PRSS33: variants seen among roughly 807,000 people sequenced by gnomAD.
PRSS33 encodes the protein serine protease 33.
Under a neutral mutation model 26.7 loss-of-function variants are expected in PRSS33, and 32 were observed. The observed-to-expected ratio is 1.20, with a 90% CI of 0.90 to 1.61. The LOEUF is 1.61. Among genes scored for constraint, PRSS33 ranks in the 40% most tolerant of loss-of-function variants. PRSS33 has a pLI of 0.00. For missense variants in PRSS33, 450 were observed against 396.3 expected (o/e 1.14, Z -1.15); for synonymous variants, 192 against 177.6 (o/e 1.08, Z -0.64).
In PRSS33 at chr16:2,784,533, G is replaced by A; in HGVS notation, c.*111C>T. 9 of 1,113,684 alleles carry A rather than the reference G, an allele frequency of 8.1e-6. No homozygotes were observed. Among genetic ancestry groups the A allele is most frequent in the Non-Finnish European group, 1.1e-5 (9 of 798,932 alleles). The allele number at this position is 1,113,684 out of a possible 1,614,324, so 69.0% of individuals were successfully genotyped here. A position where few individuals can be genotyped will look rare whatever the true frequency, so the allele number is the denominator to read the frequency against. ...GGTGGGGTGGCCTTTAGCTTTTTTA[G>A]GCATCTTGGCCTCGAGGCAGAAGGG... On this transcript the variant is annotated 3_prime_UTR_variant, in exon 7 of 7. Coordinates refer to ENST00000682474, the MANE Select transcript of PRSS33 (RefSeq NM_152891.3).
At position 2,785,662 on chromosome 16, in the gene PRSS33, G is replaced by A. The variant is rs749293771; in HGVS notation, c.243-16C>T. The A allele has an allele frequency of 1.4e-6, 2 of 1,474,280 alleles. No homozygotes were observed. Among genetic ancestry groups the A allele is most frequent in the Non-Finnish European group, 1.8e-6 (2 of 1,117,478 alleles). 91.3% of individuals were successfully genotyped at this position (1,474,280 alleles called of 1,614,324 possible). A position where few individuals can be genotyped will look rare whatever the true frequency, so the allele number is the denominator to read the frequency against. On this transcript the variant is annotated splice_polypyrimidine_tract_variant and intron_variant, in intron 4 of 6. Coordinates refer to ENST00000682474, the MANE Select transcript of PRSS33 (RefSeq NM_152891.3). The stretch of plus-strand genomic sequence containing the variant: ...CAGTGCCCTCCTGCAGGACAGGAGC[G>A]GGGGACTACTTCCAGCACCGGGTCC...
In PRSS33 at chr16:2,785,824, G is replaced by C. The variant is rs866752645; in HGVS notation, c.217C>G (p.Leu73Val). ...GGSLIAPQWV[L>V]TAAHCFPRRA... is the part of the protein sequence containing the mutation. ...CTGGGGAAGCAGTGCGCCGCTGTCA[G>C]CACCCACTGGGGGGCGATGAGCGAC... The change falls in exon 4 of 7, where the codon CTG becomes GTG. Residue 73 changes from leucine to valine, a missense_variant. By Grantham distance (32) the Leu-to-Val change is conservative. Transcript: ENST00000682474. 23 of 1,604,088 alleles carry C rather than the reference G, an allele frequency of 1.4e-5. No homozygotes were observed. Among genetic ancestry groups the C allele is most frequent in the Middle Eastern group, 3.4e-4 (2 of 5,964 alleles).
chr16:2,786,422 C>G (rs995408770), intron 2 of PRSS33, 80 bp downstream of exon 2: 14 of 1,543,914 alleles, frequency 9.1e-6, no homozygotes, highest in Non-Finnish European at 1.2e-5. Context: ...CCAGGGAGCC[C>G]GGCCCAGGGA....
intron 3 of PRSS33, 64 bp from the exon 4 acceptor site, chr16:2,786,025 G>T (rs768183799): frequency 3.4e-5 from 54 of 1,611,684 alleles, no homozygotes; most frequent in South Asian, 7.7e-5. Flanking sequence ...GCAGGTGTTG[G>T]TGGGGAGACA....
Position 2,785,029 on chromosome 16 carries a change from G to A in PRSS33, c.657C>T (p.Tyr219=). 1.3e-6 allele frequency: 2 copies of A among 1,593,852 alleles called. No homozygotes were observed. The highest frequency in any genetic ancestry group is 1.7e-6 in the Non-Finnish European group (2 of 1,172,814). Reference sequence around the variant, plus strand: ...GGCAGGCGTCCTTGTGGCCCTGGGGGTAGCCGGCACACAGACTCCCAGGCA... The same window carrying A: ...GGCAGGCGTCCTTGTGGCCCTGGGGATAGCCGGCACACAGACTCCCAGGCA... The part of the protein sequence containing the change: ...IVLPGSLCAG[Y]PQGHKDACQG... The change falls in exon 6 of 7, where the codon TAC becomes TAT. Residue 219 remains tyrosine (Y), a synonymous_variant. Transcript: ENST00000682474.
chr16:2,786,841 C>T, intron 1 of PRSS33: 2 of 306,712 alleles, frequency 6.5e-6, no homozygotes, highest in South Asian at 9.1e-5. Flanking sequence ...GCCTAACCCC[C>T]CTCGGTCATC....
rs1177886718 is a variant in PRSS33, at chr16:2,784,547, G to A, written c.*97C>T. The A allele has an allele frequency of 2.4e-6, 3 of 1,266,704 alleles. No individual in the cohort carries two copies. The highest frequency in any genetic ancestry group is 2.9e-5 in the Admixed American group (1 of 34,918). The allele number at this position is 1,266,704 out of a possible 1,614,324, so 78.5% of individuals were successfully genotyped here. On this transcript the variant is annotated 3_prime_UTR_variant, in exon 7 of 7. Transcript: ENST00000682474. The stretch of plus-strand genomic sequence containing the variant: ...TAGCTTTTTTAGGCATCTTGGCCTC[G>A]AGGCAGAAGGGATGTGGGGTATAGG...
In PRSS33 at chr16:2,785,427, C is replaced by A; in HGVS notation, c.462G>T (p.Pro154=). 1.4e-6 allele frequency: 2 copies of A among 1,457,232 alleles called. No homozygotes were observed. The highest frequency in any genetic ancestry group is 9.0e-7 in the Non-Finnish European group (1 of 1,116,114). 90.3% of individuals were successfully genotyped at this position (1,457,232 alleles called of 1,614,324 possible). The change falls in exon 5 of 7, where the codon CCG becomes CCT. Residue 154 remains proline, a synonymous_variant. Transcript: ENST00000682474. The part of the protein sequence containing the change: ...PVCLPVPGAR[P]PPGTPCRVTG... ...TGACCCGGCATGGTGTGCCGGGCGG[C>A]GGGCGGGCGCCGGGCACGGGCAGGC...
rs1458247096 is a variant in PRSS33, at chr16:2,784,179, C to T, written c.*465G>A. On this transcript the variant is annotated 3_prime_UTR_variant, in exon 7 of 7. Coordinates refer to ENST00000682474, the MANE Select transcript of PRSS33 (RefSeq NM_152891.3). ...TTCCGATTCCCTGCCGGCTGTCTCT[C>T]AGCTCTTAGAGGCCGCTCATGGCTG... The T allele has an allele frequency of 6.6e-6, 1 of 152,620 alleles. No individual in the cohort carries two copies. Among genetic ancestry groups the T allele is most frequent in the Non-Finnish European group, 1.5e-5 (1 of 68,378 alleles). 9.5% of individuals were successfully genotyped at this position (152,620 alleles called of 1,614,324 possible).
At position 2,786,556 on chromosome 16, in the gene PRSS33, C is replaced by T; in HGVS notation, c.-9G>A. ...CAGGAAACCCCTCTCATTCTGTCTT[C>T]AAGGCTGGGCTGGGTAAGGGTGGCA... is the stretch of plus-strand genomic sequence containing the variant. On this transcript the variant is annotated 5_prime_UTR_variant, in exon 2 of 7. Transcript: ENST00000682474. 1 of 1,613,272 alleles carries T rather than the reference C, an allele frequency of 6.2e-7. No individual in the cohort carries two copies. Among genetic ancestry groups the T allele is most frequent in the Non-Finnish European group, 8.5e-7 (1 of 1,179,700 alleles).
At position 2,785,978 on chromosome 16, in the gene PRSS33, G is replaced by A. The variant is rs2068869808; in HGVS notation, c.80-17C>T. ...GCCCGCAGGCTAGAAAAGGACCAGGGGCGGTGAGGGTTGGCTGAGGACCTG... is the reference window on the plus strand; with the variant it reads ...GCCCGCAGGCTAGAAAAGGACCAGGAGCGGTGAGGGTTGGCTGAGGACCTG... On this transcript the variant is annotated splice_polypyrimidine_tract_variant and intron_variant, in intron 3 of 6. Coordinates refer to ENST00000682474, the MANE Select transcript of PRSS33 (RefSeq NM_152891.3). 6.2e-7 allele frequency: 1 copy of A among 1,613,066 alleles called. No homozygotes were observed. Among genetic ancestry groups the A allele is most frequent in the East Asian group, 2.2e-5 (1 of 44,860 alleles).
At chr16:2,786,654 T>G in intron 1 of PRSS33, 50 bp from the exon 2 acceptor site, 1 of 1,270,064 alleles carries the variant, frequency 7.9e-7, no homozygotes, top group Non-Finnish European at 1.1e-6. Context: ...GGGGCACCAA[T>G]CCTCACACCA....
chr16:2,787,250 ACC>A (rs1214277667), intron 1 of PRSS33, among the ~76,000 whole-genome samples: 4 of 1,288 alleles, frequency 3.1e-3, no homozygotes, highest in Non-Finnish European at 2.7e-3. Context: ...CCTCATCCTC[ACC>A]CCTGTCTCAT....
In PRSS33 at chr16:2,785,036, G is replaced by A. The variant is rs1277030180; in HGVS notation, c.650C>T (p.Ala217Val). 1.3e-6 allele frequency: 2 copies of A among 1,591,174 alleles called. No homozygotes were observed. Among genetic ancestry groups the A allele is most frequent in the South Asian group, 1.1e-5 (1 of 88,018 alleles). ...ERIVLPGSLC[A>V]GYPQGHKDAC... ...GTCCTTGTGGCCCTGGGGGTAGCCG[G>A]CACACAGACTCCCAGGCAGCACAAT... Residue 217 changes from alanine (A) to valine (V), a missense_variant, in exon 6 of 7, where the codon GCC becomes GTC. By Grantham distance (64) the Ala-to-Val change is moderately conservative. Transcript: ENST00000682474.
intron 2 of PRSS33, 103 bp from the exon 3 acceptor site, chr16:2,786,224 C>T (rs1026798511): frequency 3.6e-6 from 4 of 1,097,190 alleles, no homozygotes; most frequent in Admixed American, 3.5e-5. Context: ...ACAATGTTGC[C>T]CTGACATTGC....
At chr16:2,786,382 G>T in intron 2 of PRSS33, 120 bp downstream of exon 2, 2 of 1,210,118 alleles carry the variant, frequency 1.7e-6, no homozygotes, top group Non-Finnish European at 2.4e-6. Context: ...TTGAGCCCTT[G>T]GAATCAAGAT....
intron 5 of PRSS33, 61 bp downstream of exon 5, chr16:2,785,314 G>T: frequency 6.8e-7 from 1 of 1,459,860 alleles, no homozygotes; most frequent in Non-Finnish European, 9.0e-7. Context: ...GGGATTTCCA[G>T]TCAGATGGAG....
chr16:2,786,235 G>T, intron 2 of PRSS33, 114 bp from the exon 3 acceptor site: 1 of 1,048,738 alleles, frequency 9.5e-7, no homozygotes, highest in Non-Finnish European at 1.5e-6. Context: ...CTGACATTGC[G>T]CCAGGCTTTC....
rs1471072728 is a variant in PRSS33 at position 2,785,360 on chromosome 16, G to A, written c.514+15C>T. On this transcript the variant is annotated intron_variant, in intron 5 of 6. Transcript: ENST00000682474. The stretch of plus-strand genomic sequence containing the variant: ...GGGCTCCCGGATGCCTCGGAGCCCC[G>A]CCCTCCTGCCTTACCTCCTGGGCGG... The A allele has an allele frequency of 1.4e-6, 2 of 1,441,674 alleles. No individual in the cohort carries two copies. The highest frequency in any genetic ancestry group is 1.4e-5 in the African/African-American group (1 of 69,160). The allele number at this position is 1,441,674 out of a possible 1,614,324, so 89.3% of individuals were successfully genotyped here.
Sources: gnomAD v4.1 joint callset for allele counts (sites outside exome capture counted in the v4.1 genomes callset) on GRCh38, gnomAD v4.1.1 for gene constraint, MANE v1.5 for transcripts, NCBI Gene and HGNC (gene_info 2026-07-23, HGNC 2026-07-21) for gene names.